KLHL41: variants seen among roughly 807,000 people sequenced by gnomAD.
The protein encoded by KLHL41 is kelch like family member 41, also known as kelch-like protein 41.
Under a neutral mutation model 49.2 loss-of-function variants are expected in KLHL41, and 31 were observed. That is an observed-to-expected ratio of 0.63 (90% CI 0.47 to 0.85). KLHL41 has a LOEUF of 0.85. Among genes scored for constraint, KLHL41 ranks in the 40% least tolerant of loss-of-function variants. The pLI is 0.00. For synonymous variants in KLHL41, 218 were observed against 258.5 expected, an observed-to-expected ratio of 0.84 and a Z score of 1.50; for missense variants, 663 against 726.7, an observed-to-expected ratio of 0.91 and a Z score of 1.01.
In KLHL41 at chr2:169,509,740, GCCTTCAGTGTCCCCTT is replaced by G; in HGVS notation, c.-34_-19del. ...GACCTGTGTGCTGCAAGGAGCTAAG[GCCTTCAGTGTCCCCTT>G]CCTTACCCAGGTTTCTCACAGAATG... On this transcript the variant is annotated 5_prime_UTR_variant, in exon 1 of 6. Transcript: ENST00000284669. 6.3e-7 allele frequency: 1 copy of G among 1,577,944 alleles called. No homozygotes were observed. Among genetic ancestry groups the G allele is most frequent in the Non-Finnish European group, 8.6e-7 (1 of 1,167,584 alleles).
At chr2:169,519,287 A>G (rs1684163200) in intron 4 of KLHL41, among the ~76,000 whole-genome samples, 1 of 152,182 alleles carries the variant, frequency 6.6e-6, no homozygotes, top group African/African-American at 2.4e-5. Flanking sequence ...TAGTTTAGCA[A>G]TGAAGAAAAA....
At chr2:169,524,533 G>A (rs1008793942) in intron 5 of KLHL41, among the ~76,000 whole-genome samples, 2 of 151,298 alleles carry the variant, frequency 1.3e-5, no homozygotes, top group African/African-American at 4.9e-5. Flanking sequence ...GAGTAGCTAG[G>A]ATTACAGACG....
At chr2:169,514,232 G>C (rs1283017820) in intron 1 of KLHL41, 1 of 194,806 alleles carries the variant, frequency 5.1e-6, no homozygotes, top group Non-Finnish European at 1.0e-5. Context: ...TGTCCTAAAA[G>C]TATGAGGATC....
chr2:169,516,913 A>T (rs1458350291), intron 3 of KLHL41, among the ~76,000 whole-genome samples: 1 of 152,106 alleles, frequency 6.6e-6, no homozygotes, highest in Non-Finnish European at 1.5e-5. Context: ...CCCAGCTACT[A>T]GGGAGGCTGA....
rs373391330 is a variant in KLHL41 at position 169,518,270 on chromosome 2, C to T, written c.1457C>T (p.Ser486Phe). 7.1e-5 allele frequency: 114 copies of T among 1,613,942 alleles called. No homozygotes were observed. In the African/African-American group the frequency reaches 1.3e-3, roughly 19 times the overall value. Residue 486 changes from serine (S) to phenylalanine (F), a missense_variant, in exon 4 of 6, where the codon TCC (serine) becomes TTC (phenylalanine). Physicochemically the swap from Ser to Phe is radical, Grantham distance 155. This residue lies in a region of KLHL41 where 528 missense variants were observed against 581.0 expected (regional missense o/e 0.91). Transcript: ENST00000284669. ...CTGGCTCCAATGAAAATTCCTCGTTCCATGTTTGGAGTAGCAGTCCATAAA... is the reference window on the plus strand; with the variant it reads ...CTGGCTCCAATGAAAATTCCTCGTTTCATGTTTGGAGTAGCAGTCCATAAA... ...KDLAPMKIPR[S>F]MFGVAVHKGK...
At chr2:169,520,261 T>G (rs7572182) in intron 4 of KLHL41, among the ~76,000 whole-genome samples, 1 of 120,736 alleles carries the variant, frequency 8.3e-6, no homozygotes, top group Non-Finnish European at 1.7e-5. Flanking sequence ...GGGCTCAAGC[T>G]ATCCTCCTGC....
intron 4 of KLHL41, among the ~76,000 whole-genome samples, chr2:169,519,528 C>T (rs1010183407): frequency 2.6e-5 from 4 of 151,960 alleles, no homozygotes; most frequent in African/African-American, 9.7e-5. Context: ...CTTAAATGTA[C>T]ATGCTTTTTA....
chr2:169,519,325 A>G (rs1295973068), intron 4 of KLHL41, among the ~76,000 whole-genome samples: 1 of 152,172 alleles, frequency 6.6e-6, no homozygotes. Context: ...TTTTTTAGAA[A>G]CATGTATGCC....
intron 4 of KLHL41, 99 bp downstream of exon 4, chr2:169,518,474 G>A: frequency 1.1e-6 from 1 of 900,716 alleles, no homozygotes. Flanking sequence ...ATGTGGGGAG[G>A]GGAGGGTACA....
At chr2:169,521,074 A>G (rs1229813774) in intron 5 of KLHL41, 67 bp downstream of exon 5, 1 of 1,479,606 alleles carries the variant, frequency 6.8e-7, no homozygotes, top group Non-Finnish European at 9.3e-7. Flanking sequence ...ACTATTTTGT[A>G]GTAAACAATA....
At chr2:169,512,647 C>G (rs943268272) in intron 1 of KLHL41, among the ~76,000 whole-genome samples, 1 of 152,020 alleles carries the variant, frequency 6.6e-6, no homozygotes, top group Non-Finnish European at 1.5e-5. Context: ...AACAGTTATA[C>G]AAAGTTGGAA....
In KLHL41 at chr2:169,510,437, A is replaced by T; in HGVS notation, c.659A>T (p.Asp220Val). 6.2e-7 allele frequency: 1 copy of T among 1,614,130 alleles called. No individual in the cohort carries two copies. Among genetic ancestry groups the T allele is most frequent in the Non-Finnish European group, 8.5e-7 (1 of 1,180,028 alleles). Residue 220 changes from aspartate to valine, a missense_variant, in exon 1 of 6, where the codon GAT becomes GTT. Asp to Val is a radical substitution (Grantham distance 152). Around this residue, in one of 3 missense-constraint regions of KLHL41, gnomAD observed 528 missense variants for 581.0 expected, o/e 0.91. Transcript: ENST00000284669. The surrounding 1 kb of genome is among the most constrained non-coding windows in gnomAD (Gnocchi z 4.2). Reference sequence around the variant, plus strand: ...GTTAAAAACCTTAGTGAAGTGTTTGATTGTATCCGTTTTCGCCTTATGACA... The same window carrying T: ...GTTAAAAACCTTAGTGAAGTGTTTGTTTGTATCCGTTTTCGCCTTATGACA... ...NRVKNLSEVF[D>V]CIRFRLMTEK...
At chr2:169,525,456 C>T in intron 5 of KLHL41, 129 bp from the exon 6 acceptor site, 1 of 617,738 alleles carries the variant, frequency 1.6e-6, no homozygotes, top group Non-Finnish European at 2.9e-6. Flanking sequence ...TCTGTTCTAC[C>T]AGGCAGGTGC....
At chr2:169,520,275 AGTGTGTGTGTGT>A (rs71003095) in intron 4 of KLHL41, among the ~76,000 whole-genome samples, 1 of 56,980 alleles carries the variant, frequency 1.8e-5, no homozygotes, top group Non-Finnish European at 3.9e-5. Context: ...CTCCTGCCTC[AGTGTGTGTGTGT>A]GTGTGTGTGT....
Position 169,520,933 on chromosome 2 carries a change from T to A in KLHL41, c.1635T>A (p.Tyr545Ter). ...ISLVSLAGSLYAIGGFAMIQL... is the reference protein window; with the variant it reads ...ISLVSLAGSL ...TGGTCAGCCTGGCTGGATCTCTGTA[T>A]GCAATTGGTGGTTTTGCTATGATTC... is the stretch of plus-strand genomic sequence containing the variant. Residue 545 changes from tyrosine to a stop codon, truncating the protein, a stop_gained, in exon 5 of 6, where the codon TAT becomes TAA. Coordinates refer to ENST00000284669, the MANE Select transcript of KLHL41 (RefSeq NM_006063.3). LOFTEE classifies it high-confidence loss of function. 6.2e-7 allele frequency: 1 copy of A among 1,613,974 alleles called. No homozygotes were observed. The highest frequency in any genetic ancestry group is 8.5e-7 in the Non-Finnish European group (1 of 1,179,818).
rs1410319463 is a variant in KLHL41 at position 169,520,207 on chromosome 2, T to C, written c.1563-654T>C. 6.7e-5 allele frequency among the ~76,000 whole-genome samples: 7 copies of C among 104,840 alleles called. No homozygotes were observed. In the Admixed American group the frequency reaches 7.8e-4, roughly 12 times the overall value. 68.8% of individuals were successfully genotyped at this position (104,840 alleles called of 152,430 possible). ...GTGTGTGTGTGTGTGTGTGTGTGTG[T>C]GTAGACAGTCCATTTTGTTGCCCAG... On this transcript the variant is annotated intron_variant, in intron 4 of 5. Coordinates refer to ENST00000284669, the MANE Select transcript of KLHL41 (RefSeq NM_006063.3).
chr2:169,523,831 G>T (rs985175961), intron 5 of KLHL41, among the ~76,000 whole-genome samples: 1 of 152,072 alleles, frequency 6.6e-6, no homozygotes, highest in African/African-American at 2.4e-5. Flanking sequence ...TAGGGCCAGC[G>T]ATCTGTGTTT....
In KLHL41 at chr2:169,509,756, T is replaced by G. The variant is rs2105307728; in HGVS notation, c.-23T>G. 11 of 1,595,316 alleles carry G rather than the reference T, an allele frequency of 6.9e-6. No individual in the cohort carries two copies. The highest frequency in any genetic ancestry group is 9.4e-6 in the Non-Finnish European group (11 of 1,174,510). ...GGAGCTAAGGCCTTCAGTGTCCCCT[T>G]CCTTACCCAGGTTTCTCACAGAATG... On this transcript the variant is annotated 5_prime_UTR_variant, in exon 1 of 6. Coordinates refer to ENST00000284669, the MANE Select transcript of KLHL41 (RefSeq NM_006063.3).
At chr2:169,511,862 G>A (rs1300471987) in intron 1 of KLHL41, among the ~76,000 whole-genome samples, 2 of 152,174 alleles carry the variant, frequency 1.3e-5, no homozygotes, top group Non-Finnish European at 2.9e-5. Context: ...TTAGTTGTTT[G>A]AAAGGAATTT....
Sources: allele counts gnomAD v4.1 joint callset (sites outside exome capture counted in the v4.1 genomes callset), GRCh38; gene constraint gnomAD v4.1.1; regional missense constraint gnomAD v4.1.1; non-coding constraint Gnocchi (gnomAD v3.1); transcripts MANE v1.5; gene names NCBI Gene and HGNC (gene_info 2026-07-23, HGNC 2026-07-21).